The following NRXN3 variants were observed in gnomAD, a reference collection of about 807,000 sequenced individuals.
NRXN3 encodes the protein neurexin 3, also known as neurexin III.
A neutral mutation model predicts 137.6 loss-of-function variants in NRXN3; 32 were observed. The ratio of observed to expected loss-of-function variants is 0.23; its 90% confidence interval spans 0.18 to 0.31. The LOEUF is 0.31. Among genes scored for constraint, NRXN3 ranks in the 10% least tolerant of loss-of-function variants. NRXN3 has a pLI of 1.00. For synonymous variants in NRXN3, 798 were observed against 784.5 expected (o/e 1.02, Z -0.29); for missense variants, 1,574 against 2,062.5 (o/e 0.76, Z 4.59).
chr14:79,280,437 C>T (rs761738092), intron 15 of NRXN3: 8 of 1,613,988 alleles, frequency 5.0e-6, no homozygotes, highest in South Asian at 3.3e-5. Flanking sequence ...TCTTCCTCGC[C>T]GGGGTCTCAC....
chr14:79,390,055 C>T (rs150658410), intron 15 of NRXN3, among the ~76,000 whole-genome samples: 76 of 152,260 alleles, frequency 5.0e-4, no homozygotes, highest in African/African-American at 1.8e-3. Flanking sequence ...CGGTGGCTCA[C>T]GCCTGTAATC....
At chr14:79,559,996 T>G (rs142965425) in intron 16 of NRXN3, among the ~76,000 whole-genome samples, 10 of 152,030 alleles carry the variant, frequency 6.6e-5, no homozygotes, top group African/African-American at 2.2e-4. Flanking sequence ...TGTAACGTCT[T>G]GAGTAAAAAG....
chr14:79,817,703 G>A (rs2099255974), intron 20 of NRXN3, among the ~76,000 whole-genome samples: 1 of 152,136 alleles, frequency 6.6e-6, no homozygotes, highest in South Asian at 2.1e-4. Context: ...CCATCACTAT[G>A]CTATCCTGTC....
intron 20 of NRXN3, among the ~76,000 whole-genome samples, chr14:79,805,596 G>T (rs888813527): frequency 6.6e-6 from 1 of 152,104 alleles, no homozygotes; most frequent in Admixed American, 6.6e-5. Context: ...CCATGGAGGA[G>T]CTTAAAGATT....
At position 78,640,355 on chromosome 14, in the gene NRXN3, A is replaced by G. The variant is rs573254335; in HGVS notation, c.758-4765A>G. ...CTATCCTTCTCAGTAAAATTATGCA[A>G]TGGTTCCCCATAACTTATAGAAGTT... On this transcript the variant is annotated intron_variant, in intron 4 of 20. Transcript: ENST00000335750. Among the ~76,000 whole-genome samples the G allele has an allele frequency of 1.3e-4, 20 of 152,316 alleles. No homozygotes were observed. In the South Asian group the frequency reaches 3.3e-3, roughly 25 times the overall value.
chr14:79,739,099 T>A (rs562107537), intron 19 of NRXN3, among the ~76,000 whole-genome samples: 22 of 152,314 alleles, frequency 1.4e-4, no homozygotes, highest in African/African-American at 4.3e-4. Flanking sequence ...ACACTGGAAA[T>A]CTTAAGCTCT....
At chr14:79,688,217 C>A (rs1432771402) in intron 17 of NRXN3, among the ~76,000 whole-genome samples, 2 of 152,092 alleles carry the variant, frequency 1.3e-5, no homozygotes, top group East Asian at 1.9e-4. Flanking sequence ...ATGCTGTACT[C>A]CCTATTATTC....
chr14:79,568,490 T>A (rs1269175069), intron 16 of NRXN3, among the ~76,000 whole-genome samples: 1 of 152,136 alleles, frequency 6.6e-6, no homozygotes, highest in Non-Finnish European at 1.5e-5. Context: ...ATTTTACCCA[T>A]TCTACAGAAA....
chr14:79,607,140 C>A (rs1184368529), intron 16 of NRXN3, among the ~76,000 whole-genome samples: 1 of 152,126 alleles, frequency 6.6e-6, no homozygotes, highest in Non-Finnish European at 1.5e-5. Flanking sequence ...ACTTTGCAGT[C>A]AAAAACATTG....
intron 15 of NRXN3, among the ~76,000 whole-genome samples, chr14:79,257,590 T>TGGC (rs1182675833): frequency 1.3e-5 from 1 of 79,396 alleles, no homozygotes; most frequent in African/African-American, 5.9e-5. Flanking sequence ...ATGGTAATGA[T>TGGC]GGTGGTGGTG....
At chr14:78,280,533 C>G (rs1430361680) in intron 3 of NRXN3, among the ~76,000 whole-genome samples, 1 of 152,176 alleles carries the variant, frequency 6.6e-6, no homozygotes, top group African/African-American at 2.4e-5. Flanking sequence ...GGCGGCTTCT[C>G]TTTCTGGTTC....
chr14:79,495,040 T>C (rs1300231316), intron 16 of NRXN3, among the ~76,000 whole-genome samples: 2 of 152,244 alleles, frequency 1.3e-5, no homozygotes, highest in African/African-American at 4.8e-5. Flanking sequence ...GGCGTCAGTC[T>C]CTTTCTTGGC....
intron 15 of NRXN3, among the ~76,000 whole-genome samples, chr14:79,381,420 C>A (rs1364912809): frequency 6.6e-6 from 1 of 152,040 alleles, no homozygotes; most frequent in African/African-American, 2.4e-5. Flanking sequence ...TTGAATTCTC[C>A]ATTATCATCA....
At chr14:79,763,023 C>T (rs1189000330) in intron 19 of NRXN3, among the ~76,000 whole-genome samples, 1 of 150,874 alleles carries the variant, frequency 6.6e-6, no homozygotes, top group Admixed American at 6.6e-5. Context: ...CCCCTAGCCT[C>T]CCACCCCCTG....
Position 79,130,503 on chromosome 14 carries a change from G to T in NRXN3, c.3262+142362G>T, listed in dbSNP as rs944910548. On this transcript the variant is annotated intron_variant, in intron 15 of 20. Coordinates refer to ENST00000335750, the MANE Select transcript of NRXN3 (RefSeq NM_001330195.2). The stretch of plus-strand genomic sequence containing the variant: ...CTTTTCTTTAAGAATGTTGAATATT[G>T]GCCCCCACTCTCTTCTGGCTTGTAG... 3.7e-3 allele frequency among the ~76,000 whole-genome samples: 560 copies of T among 151,924 alleles called. 3 individuals are homozygous for T. The highest frequency in any genetic ancestry group is 0.013 in the African/African-American group (537 of 41,420).
chr14:78,988,569 G>A (rs73317257), intron 15 of NRXN3, among the ~76,000 whole-genome samples: 1,741 of 152,214 alleles, frequency 0.011, 23 homozygotes, highest in African/African-American at 0.036. Context: ...GGGTATAGCT[G>A]TTTTCTCAAA....
intron 16 of NRXN3, among the ~76,000 whole-genome samples, chr14:79,528,573 A>G (rs2097142251): frequency 6.6e-6 from 1 of 152,170 alleles, no homozygotes; most frequent in Admixed American, 6.5e-5. Flanking sequence ...AGTATATTCA[A>G]ATGTGAACAG....
intron 15 of NRXN3, among the ~76,000 whole-genome samples, chr14:79,463,309 T>C (rs980731893): frequency 8.5e-5 from 13 of 152,166 alleles, no homozygotes; most frequent in African/African-American, 3.1e-4. Flanking sequence ...TATGATCGCA[T>C]GGAAGACTGT....
intron 15 of NRXN3, chr14:79,279,192 G>A (rs974943916): frequency 4.2e-6 from 1 of 236,638 alleles, no homozygotes; most frequent in Admixed American, 6.5e-5. Context: ...GTGTGCTGGA[G>A]GCTCGCGCGG....
Sources: gnomAD v4.1 joint callset for allele counts (sites outside exome capture counted in the v4.1 genomes callset) on GRCh38, gnomAD v4.1.1 for gene constraint, MANE v1.5 for transcripts, NCBI Gene and HGNC (gene_info 2026-07-23, HGNC 2026-07-21) for gene names.